The following ITIH2 variants were observed in gnomAD, a reference collection of about 807,000 sequenced individuals.
ITIH2 encodes the protein inter-alpha-trypsin inhibitor heavy chain H2.
A neutral mutation model predicts 104.4 loss-of-function variants in ITIH2; 103 were observed. The ratio of observed to expected loss-of-function variants is 0.99; its 90% confidence interval spans 0.84 to 1.16. The LOEUF is 1.16. Ranked by LOEUF, ITIH2 falls within the 50% of genes most tolerant of loss-of-function variation. The pLI, the probability that ITIH2 is intolerant of heterozygous loss-of-function variation, is 0.00. For synonymous variants in ITIH2, 436 were observed against 435.4 expected, an observed-to-expected ratio of 1.00 and a Z score of -0.02; for missense variants, 1,108 against 1,162.4, an observed-to-expected ratio of 0.95 and a Z score of 0.68.
rs761145107 is a variant in ITIH2, at chr10:7,744,312, T to C, written c.2408+32T>C. 4 of 1,541,070 alleles carry C rather than the reference T, an allele frequency of 2.6e-6. No individual in the cohort carries two copies. The Admixed American group carries it at 6.7e-5, about 26-fold the overall frequency. On this transcript the variant is annotated intron_variant, in intron 18 of 20. Coordinates refer to ENST00000358415, the MANE Select transcript of ITIH2 (RefSeq NM_002216.3). ...ATGATTCCATCTGAACTTGGGCCTG[T>C]CCGTGACACACGACTGCATAAATAA...
At chr10:7,738,568 T>C in intron 15 of ITIH2, 53 bp from the exon 16 acceptor site, 1 of 1,606,572 alleles carries the variant, frequency 6.2e-7, no homozygotes, top group Non-Finnish European at 8.5e-7. Flanking sequence ...TGGTGAGCAA[T>C]TTCCGTGGAA....
chr10:7,722,045 G>A (rs11255314), intron 8 of ITIH2, among the ~76,000 whole-genome samples: 5,790 of 152,192 alleles, frequency 0.038, 341 homozygotes, highest in African/African-American at 0.13. Context: ...TTACAGAACA[G>A]GAATTTTAAA....
chr10:7,746,528 A>G (rs1835179121), intron 19 of ITIH2, 65 bp from the exon 20 acceptor site: 2 of 1,094,956 alleles, frequency 1.8e-6, no homozygotes, highest in Non-Finnish European at 2.8e-6. Context: ...CATGGAGTCA[A>G]TAATGAGCCT....
intron 4 of ITIH2, 37 bp downstream of exon 4, chr10:7,709,228 G>T: frequency 1.3e-6 from 2 of 1,583,236 alleles, no homozygotes; most frequent in Non-Finnish European, 1.7e-6. Context: ...AATTGTAGGT[G>T]CTCTACTCAC....
chr10:7,719,760 CAAAAAAAAAAAAA>C (rs71385664), intron 6 of ITIH2, among the ~76,000 whole-genome samples: 1 of 41,718 alleles, frequency 2.4e-5, no homozygotes, highest in East Asian at 7.7e-4. Flanking sequence ...GACCCTGTCT[CAAAAAAAAAAAAA>C]AAAAAAAAAA....
At chr10:7,748,078 G>A (rs944969701) in intron 20 of ITIH2, among the ~76,000 whole-genome samples, 156 of 150,750 alleles carry the variant, frequency 1.0e-3, no homozygotes, top group South Asian at 1.1e-3. Context: ...GTGTGGTGGC[G>A]GGCGCCTGTA....
rs766219939 is a variant in ITIH2 at position 7,705,077 on chromosome 10, A to C, written c.85-31A>C. 4 of 1,475,140 alleles carry C rather than the reference A, an allele frequency of 2.7e-6. No individual in the cohort carries two copies. In the East Asian group the frequency reaches 9.1e-5, roughly 33 times the overall value. The allele number at this position is 1,475,140 out of a possible 1,614,324, so 91.4% of individuals were successfully genotyped here. The stretch of plus-strand genomic sequence containing the variant: ...CCAGAACTTACAGTATAATTAAAAA[A>C]AAAAAAGTTAAAATCCTAATTTTTT... On this transcript the variant is annotated intron_variant, in intron 1 of 20. Coordinates refer to ENST00000358415, the MANE Select transcript of ITIH2 (RefSeq NM_002216.3).
chr10:7,740,432 G>GT (rs1253244199), intron 16 of ITIH2, among the ~76,000 whole-genome samples: 2 of 152,206 alleles, frequency 1.3e-5, no homozygotes, highest in African/African-American at 4.8e-5. Flanking sequence ...GAATCCGTGC[G>GT]TAAGTTGATC....
In ITIH2 at chr10:7,749,246, T is replaced by G. The variant is rs1835214000; in HGVS notation, c.2753T>G (p.Phe918Cys). 6.2e-7 allele frequency: 1 copy of G among 1,614,122 alleles called. No homozygotes were observed. The highest frequency in any genetic ancestry group is 8.5e-7 in the Non-Finnish European group (1 of 1,179,998). The change falls in exon 21 of 21, where the codon TTT becomes TGT. Residue 918 changes from phenylalanine (F) to cysteine (C), a missense_variant. Physicochemically the swap from Phe to Cys is radical, Grantham distance 205 (BLOSUM62 -2). Transcript: ENST00000358415. The part of the protein sequence containing the change: ...LVFGTDVTCW[F>C]VHNSGKGFID... ...TTTGGAACGGACGTTACCTGCTGGT[T>G]TGTGCACAACAGTGGAAAAGGATTC...
Position 7,735,076 on chromosome 10 carries a change from C to G in ITIH2, c.1942C>G (p.Pro648Ala), listed in dbSNP as rs1835041481. The change falls in exon 15 of 21, where the codon CCC (proline) becomes GCC (alanine). Residue 648 changes from proline to alanine, a missense_variant. Coordinates refer to ENST00000358415, the MANE Select transcript of ITIH2 (RefSeq NM_002216.3). ...RMLADAPPQDPSCCSGALYYG... is the reference protein window; with the variant it reads ...RMLADAPPQDASCCSGALYYG... Reference sequence around the variant, plus strand: ...GCTGGCGGATGCCCCACCGCAGGATCCCTCCTGCTGCTCAGGTCAGGGCTG... The same window carrying G: ...GCTGGCGGATGCCCCACCGCAGGATGCCTCCTGCTGCTCAGGTCAGGGCTG... 4 of 1,609,004 alleles carry G rather than the reference C, an allele frequency of 2.5e-6. 1 individual carries two copies. The South Asian group carries it at 4.4e-5, about 18-fold the overall frequency.
At chr10:7,711,209 G>A (rs977531216) in intron 4 of ITIH2, among the ~76,000 whole-genome samples, 2 of 152,160 alleles carry the variant, frequency 1.3e-5, no homozygotes, top group Middle Eastern at 3.2e-3. Context: ...CTGTTCCTGT[G>A]TTAGTTTGCT....
intron 5 of ITIH2, among the ~76,000 whole-genome samples, chr10:7,715,581 C>T (rs1354537256): frequency 6.6e-6 from 1 of 152,188 alleles, no homozygotes; most frequent in South Asian, 2.1e-4. Context: ...AGTGCACCCT[C>T]AGGTAAACAC....
intron 15 of ITIH2, among the ~76,000 whole-genome samples, chr10:7,737,791 ATATAATATTC>A (rs1835080000): frequency 5.5e-5 from 1 of 18,024 alleles, no homozygotes; most frequent in Non-Finnish European, 9.6e-5. Context: ...ATTATATTCT[ATATAATATTC>A]TATATTATAT....
In ITIH2 at chr10:7,738,748, T is replaced by C. The variant is rs181663875; in HGVS notation, c.2085T>C (p.His695=). The C allele has an allele frequency of 1.1e-4, 177 of 1,609,968 alleles. 1 individual carries two copies. The highest frequency in any genetic ancestry group is 6.4e-4 in the Admixed American group (38 of 59,586). ...SQVLESTPPP[H]VMRVENDPHF... ...TGCTAGAGTCCACGCCACCCCCACATGTGATGAGAGGTAACGCTTCTACAC... is the reference window on the plus strand; with the variant it reads ...TGCTAGAGTCCACGCCACCCCCACACGTGATGAGAGGTAACGCTTCTACAC... Residue 695 remains histidine, a synonymous_variant, in exon 16 of 21, where the codon CAT becomes CAC. Transcript: ENST00000358415.
At chr10:7,746,778 G>A (rs1017488130) in intron 20 of ITIH2, 74 bp downstream of exon 20, 39 of 893,406 alleles carry the variant, frequency 4.4e-5, no homozygotes, top group Non-Finnish European at 6.4e-5. Context: ...AAATAGAGGA[G>A]CAAAGAAGAA....
chr10:7,718,387 G>A (rs986959369), intron 6 of ITIH2, among the ~76,000 whole-genome samples: 1 of 152,176 alleles, frequency 6.6e-6, no homozygotes, highest in Middle Eastern at 3.2e-3. Context: ...TACATTCACA[G>A]GTTCCAGAGG....
In ITIH2 at chr10:7,721,605, G is replaced by A. The variant is rs761218810; in HGVS notation, c.739-44G>A. 5.0e-6 allele frequency: 8 copies of A among 1,590,258 alleles called. No homozygotes were observed. In the African/African-American group the frequency reaches 1.1e-4, roughly 21 times the overall value. The stretch of plus-strand genomic sequence containing the variant: ...GAGAAGGGGCAGCGCCAAGCACTGG[G>A]AAGGGGCTAGAGGCAGAGGCTCTGA... On this transcript the variant is annotated intron_variant, in intron 7 of 20. Coordinates refer to ENST00000358415, the MANE Select transcript of ITIH2 (RefSeq NM_002216.3).
intron 9 of ITIH2, 106 bp downstream of exon 9, chr10:7,723,673 T>C (rs1834927803): frequency 6.5e-6 from 5 of 773,296 alleles, no homozygotes; most frequent in South Asian, 1.6e-5. Flanking sequence ...GGGCTGAAGC[T>C]CAGGGACTGT....
intron 5 of ITIH2, among the ~76,000 whole-genome samples, chr10:7,716,927 G>A (rs1834855169): frequency 6.6e-6 from 1 of 150,602 alleles, no homozygotes; most frequent in Non-Finnish European, 1.5e-5. Flanking sequence ...ATGGGGTCTT[G>A]AGCAGGTCCT....
Sources: allele counts gnomAD v4.1 joint callset (sites outside exome capture counted in the v4.1 genomes callset), GRCh38; gene constraint gnomAD v4.1.1; transcripts MANE v1.5; gene names NCBI Gene and HGNC (gene_info 2026-07-23, HGNC 2026-07-21).